PDCD10: variants seen among roughly 807,000 people sequenced by gnomAD.
PDCD10 encodes the protein programmed cell death 10, also known as programmed cell death protein 10.
In PDCD10, 4 loss-of-function variants were observed where a neutral mutation model predicts 29.2. The ratio of observed to expected loss-of-function variants is 0.14; its 90% CI spans 0.07 to 0.31. The LOEUF is 0.31. Ranked by LOEUF, PDCD10 falls within the 10% of genes least tolerant of loss-of-function variation. The pLI is 1.00. For synonymous variants in PDCD10, 70 were observed against 82.2 expected (o/e 0.85, Z 0.80); for missense variants, 183 against 257.9 (o/e 0.71, Z 1.99).
chr3:167,717,673 T>C (rs1723154547), intron 3 of PDCD10, among the ~76,000 whole-genome samples: 1 of 152,038 alleles, frequency 6.6e-6, no homozygotes, highest in African/African-American at 2.4e-5. Context: ...TGAAGGAACA[T>C]TATTTTACTC....
At chr3:167,717,762 C>T (rs966503390) in intron 3 of PDCD10, among the ~76,000 whole-genome samples, 3 of 151,960 alleles carry the variant, frequency 2.0e-5, no homozygotes, top group African/African-American at 7.2e-5. Context: ...TTTCTAAAAC[C>T]CTATACTTCT....
At chr3:167,731,593 A>T (rs1417590426) in intron 2 of PDCD10, among the ~76,000 whole-genome samples, 1 of 152,202 alleles carries the variant, frequency 6.6e-6, no homozygotes, top group African/African-American at 2.4e-5. Context: ...GTGCATGAAT[A>T]CACTCCTTCA....
At chr3:167,714,688 T>G (rs1411304630) in intron 3 of PDCD10, among the ~76,000 whole-genome samples, 1 of 151,958 alleles carries the variant, frequency 6.6e-6, no homozygotes, top group African/African-American at 2.4e-5. Context: ...TAATCCCATT[T>G]ACAGTAGCCA....
At chr3:167,734,143 A>G (rs1409376893) in intron 2 of PDCD10, 71 bp downstream of exon 2, 2 of 152,236 alleles carry the variant, frequency 1.3e-5, no homozygotes, top group African/African-American at 4.8e-5. Flanking sequence ...CACGTCATAT[A>G]ATCCCTCGGT....
intron 6 of PDCD10, 135 bp from the exon 7 acceptor site, chr3:167,687,828 A>G: frequency 1.5e-6 from 1 of 656,620 alleles, no homozygotes; most frequent in Non-Finnish European, 2.7e-6. Context: ...TGTTAAGCGC[A>G]ATCACTTCAA....
In PDCD10 at chr3:167,711,026, A is replaced by G. The variant is rs902880326; in HGVS notation, c.97-6131T>C. Reference sequence around the variant, plus strand: ...GCTTGGGGCCCAAGTCCCTCAGAACACTTAGAAAGTCTTCCCAAGAAAGAT... The same window carrying G: ...GCTTGGGGCCCAAGTCCCTCAGAACGCTTAGAAAGTCTTCCCAAGAAAGAT... On this transcript the variant is annotated intron_variant, in intron 3 of 8. Transcript: ENST00000392750. Among the ~76,000 whole-genome samples, 7 of 152,302 alleles carry G rather than the reference A, an allele frequency of 4.6e-5. No homozygotes were observed. In the South Asian group the frequency reaches 1.0e-3, roughly 23 times the overall value.
At chr3:167,697,487 C>CT (rs1383139669) in intron 4 of PDCD10, among the ~76,000 whole-genome samples, 1 of 151,922 alleles carries the variant, frequency 6.6e-6, no homozygotes, top group Non-Finnish European at 1.5e-5. Context: ...AGAATTTAAG[C>CT]TTTTTTTAAT....
chr3:167,701,603 C>T (rs1333882481), intron 4 of PDCD10, among the ~76,000 whole-genome samples: 2 of 152,164 alleles, frequency 1.3e-5, no homozygotes, highest in African/African-American at 4.8e-5. Context: ...GCCTACTTGT[C>T]CCAAAACACC....
chr3:167,725,761 GTTTATATATATATATA>G lies in PDCD10; in HGVS notation c.-116-5504_-116-5489del, dbSNP rs1191702951. 1.5e-4 allele frequency among the ~76,000 whole-genome samples: 8 copies of G among 54,720 alleles called. No homozygotes were observed. In the East Asian group the frequency reaches 3.6e-3, roughly 25 times the overall value. The allele number at this position is 54,720 out of a possible 152,430, so 35.9% of individuals were successfully genotyped here. A position where few individuals can be genotyped will look rare whatever the true frequency, so the allele number is the denominator to read the frequency against. ...GTATATAGCACTTTACCATTGTATC[GTTTATATATATATATA>G]TATATATATATATATATATATATAT... On this transcript the variant is annotated intron_variant, in intron 2 of 8. Transcript: ENST00000392750.
At chr3:167,699,935 CAT>C (rs1015725150) in intron 4 of PDCD10, among the ~76,000 whole-genome samples, 36 of 152,210 alleles carry the variant, frequency 2.4e-4, no homozygotes, top group East Asian at 1.9e-3. Flanking sequence ...AATAAAAACA[CAT>C]GTTATGAATG....
chr3:167,726,114 GTTTTTTTT>G lies in PDCD10; in HGVS notation c.-116-5849_-116-5842del, dbSNP rs751342370. Among the ~76,000 whole-genome samples the G allele has an allele frequency of 1.0e-4, 9 of 85,772 alleles. No individual in the cohort carries two copies. In the East Asian group the frequency reaches 2.4e-3, roughly 23 times the overall value. 56.3% of individuals were successfully genotyped at this position (85,772 alleles called of 152,430 possible). On this transcript the variant is annotated intron_variant, in intron 2 of 8. Transcript: ENST00000392750. ...GCACTTACATATTTTGTAGAGTACT[GTTTTTTTT>G]TTTTTTTTTTTTTTTTGAGACAGAG... is the stretch of plus-strand genomic sequence containing the variant.
chr3:167,688,385 T>C (rs557326753), intron 6 of PDCD10, among the ~76,000 whole-genome samples: 1 of 152,244 alleles, frequency 6.6e-6, no homozygotes, highest in South Asian at 2.1e-4. Context: ...AACATCACAA[T>C]ATTCTTGCAC....
intron 2 of PDCD10, among the ~76,000 whole-genome samples, chr3:167,730,210 T>C (rs562540111): frequency 4.6e-5 from 7 of 150,636 alleles, no homozygotes; most frequent in Non-Finnish European, 4.5e-5. Context: ...ATTTTTTGCA[T>C]TGTGTGTGTG....
chr3:167,717,785 G>A (rs1028967061), intron 3 of PDCD10, among the ~76,000 whole-genome samples: 1 of 151,954 alleles, frequency 6.6e-6, no homozygotes, highest in Non-Finnish European at 1.5e-5. Flanking sequence ...ACATGCCTTT[G>A]AATACATGAC....
chr3:167,692,675 T>C (rs572015360), intron 6 of PDCD10, among the ~76,000 whole-genome samples: 1 of 152,314 alleles, frequency 6.6e-6, no homozygotes, highest in East Asian at 1.9e-4. Context: ...TCCCAGCACT[T>C]TGGGAGGCCA....
At chr3:167,691,227 T>C (rs1296503031) in intron 6 of PDCD10, among the ~76,000 whole-genome samples, 5 of 152,212 alleles carry the variant, frequency 3.3e-5, no homozygotes, top group Non-Finnish European at 5.9e-5. Context: ...CAAATAATTA[T>C]ACTTTAGCCT....
At chr3:167,686,855 A>C (rs142770089) in intron 8 of PDCD10, among the ~76,000 whole-genome samples, 48 of 152,326 alleles carry the variant, frequency 3.2e-4, no homozygotes, top group African/African-American at 1.1e-3. Flanking sequence ...ACAGGTAAAA[A>C]TTATTTCAAG....
At chr3:167,689,946 CAT>C (rs1289871335) in intron 6 of PDCD10, among the ~76,000 whole-genome samples, 3 of 152,018 alleles carry the variant, frequency 2.0e-5, no homozygotes, top group African/African-American at 7.3e-5. Context: ...AAGGTGTGCA[CAT>C]AGAGAAGCTA....
At chr3:167,724,613 T>C (rs980854522) in intron 2 of PDCD10, among the ~76,000 whole-genome samples, 1 of 152,200 alleles carries the variant, frequency 6.6e-6, no homozygotes, top group Non-Finnish European at 1.5e-5. Context: ...TGAGTTGAGA[T>C]GGGCAATTTA....
Sources: gnomAD v4.1 joint callset for allele counts (sites outside exome capture counted in the v4.1 genomes callset) on GRCh38, gnomAD v4.1.1 for gene constraint, MANE v1.5 for transcripts, NCBI Gene and HGNC (gene_info 2026-07-23, HGNC 2026-07-21) for gene names.